FREM2: variants seen among roughly 807,000 people sequenced by gnomAD.
FREM2 encodes the protein FRAS1-related extracellular matrix protein 2.
In FREM2, 119 loss-of-function variants were observed where a neutral mutation model predicts 219.9. The observed-to-expected ratio is 0.54, with a 90% CI of 0.47 to 0.63. The LOEUF (loss-of-function observed/expected upper bound fraction) is 0.63, where lower values mean the gene tolerates loss of function less well. Ranked by LOEUF, FREM2 falls within the 30% of genes least tolerant of loss-of-function variation. The pLI is 0.00. For missense variants in FREM2, 4,030 were observed against 3,993.6 expected, an observed-to-expected ratio of 1.01 and a Z score of -0.25; for synonymous variants, 1,562 against 1,522.8, an observed-to-expected ratio of 1.03 and a Z score of -0.60.
chr13:38,796,891 G>GT (rs1268188377), intron 6 of FREM2, among the ~76,000 whole-genome samples: 1 of 151,526 alleles, frequency 6.6e-6, no homozygotes, highest in Non-Finnish European at 1.5e-5. Flanking sequence ...GTTTTGTTTT[G>GT]TTTTTTTGAG....
At chr13:38,734,655 A>G (rs1871906444) in intron 2 of FREM2, among the ~76,000 whole-genome samples, 1 of 151,728 alleles carries the variant, frequency 6.6e-6, no homozygotes, top group Non-Finnish European at 1.5e-5. Context: ...CAGCAATCCT[A>G]TGACATATTA....
chr13:38,730,599 T>G (rs1871724928), intron 2 of FREM2, among the ~76,000 whole-genome samples: 1 of 152,204 alleles, frequency 6.6e-6, no homozygotes, highest in Non-Finnish European at 1.5e-5. Context: ...AAGTAAAAAT[T>G]ATACCTGACC....
At chr13:38,866,616 G>A (rs201018696) in intron 16 of FREM2, among the ~76,000 whole-genome samples, 279 of 149,480 alleles carry the variant, frequency 1.9e-3, no homozygotes, top group African/African-American at 6.6e-3. Context: ...GTGGTGAGCC[G>A]AGATCGCGCC....
intron 16 of FREM2, among the ~76,000 whole-genome samples, chr13:38,866,455 G>A (rs969370964): frequency 2.0e-5 from 3 of 151,650 alleles, no homozygotes; most frequent in Non-Finnish European, 2.9e-5. Context: ...CCGAGATCAC[G>A]CCACTGCACT....
intron 2 of FREM2, among the ~76,000 whole-genome samples, chr13:38,748,461 C>T (rs1872572388): frequency 6.6e-6 from 1 of 152,180 alleles, no homozygotes; most frequent in South Asian, 2.1e-4. Context: ...TGATACTGCA[C>T]AGGCTCTCTG....
At chr13:38,776,931 T>G (rs1873893520) in intron 4 of FREM2, among the ~76,000 whole-genome samples, 1 of 152,136 alleles carries the variant, frequency 6.6e-6, no homozygotes, top group Non-Finnish European at 1.5e-5. Context: ...TTCTATAATG[T>G]AGCCCTTAAC....
chr13:38,873,623 A>G (rs1566174622), intron 17 of FREM2, among the ~76,000 whole-genome samples: 1 of 68,698 alleles, frequency 1.5e-5, no homozygotes, highest in South Asian at 3.8e-4. Context: ...ACAAGCATCA[A>G]TCTAATCCAT....
chr13:38,731,332 G>T (rs1007334648), intron 2 of FREM2, among the ~76,000 whole-genome samples: 2 of 152,024 alleles, frequency 1.3e-5, no homozygotes, highest in Admixed American at 1.3e-4. Flanking sequence ...AGATAAATTG[G>T]CTTTTAAAAC....
chr13:38,849,798 T>C (rs1227535811), intron 8 of FREM2, among the ~76,000 whole-genome samples: 1 of 150,246 alleles, frequency 6.7e-6, no homozygotes, highest in Non-Finnish European at 1.5e-5. Context: ...TTTTATCTAC[T>C]TTTTAACATT....
At chr13:38,713,792 A>G (rs751261221) in intron 2 of FREM2, among the ~76,000 whole-genome samples, 1 of 152,170 alleles carries the variant, frequency 6.6e-6, no homozygotes. Context: ...AGTAAGCTCT[A>G]TCTTTTCTGT....
intron 6 of FREM2, among the ~76,000 whole-genome samples, chr13:38,789,027 A>G (rs1874446243): frequency 6.6e-6 from 1 of 152,062 alleles, no homozygotes; most frequent in Non-Finnish European, 1.5e-5. Context: ...AATTTTATAA[A>G]TTGCTGGATT....
intron 2 of FREM2, among the ~76,000 whole-genome samples, chr13:38,713,627 A>G (rs1333634190): frequency 2.0e-5 from 3 of 152,112 alleles, no homozygotes; most frequent in Admixed American, 1.3e-4. Context: ...TTCTCTCTCA[A>G]ATGGATTTCA....
chr13:38,723,381 T>A (rs1166643270), intron 2 of FREM2, among the ~76,000 whole-genome samples: 1 of 152,226 alleles, frequency 6.6e-6, no homozygotes, highest in Non-Finnish European at 1.5e-5. Context: ...GATTAATTTT[T>A]AAAAATACAA....
At chr13:38,877,515 T>C (rs935337258) in intron 21 of FREM2, among the ~76,000 whole-genome samples, 3 of 152,174 alleles carry the variant, frequency 2.0e-5, no homozygotes, top group Non-Finnish European at 4.4e-5. Context: ...AATGTTTTTT[T>C]TCAATCTGTG....
intron 4 of FREM2, among the ~76,000 whole-genome samples, chr13:38,778,837 AT>A (rs1873988748): frequency 6.6e-6 from 1 of 152,164 alleles, no homozygotes; most frequent in Non-Finnish European, 1.5e-5. Context: ...TTTCTGTAAT[AT>A]TTCATACTAA....
rs540522636 is a variant in FREM2, at chr13:38,883,180, T to G, written c.*2393T>G. ...AGAGAATCTGTGGGAAATAGGCAGA[T>G]ATAGCTTTTTAAAATATAAAGTACT... On this transcript the variant is annotated 3_prime_UTR_variant, in exon 24 of 24. Transcript: ENST00000280481. 2.0e-5 allele frequency: 3 copies of G among 150,992 alleles called. No individual in the cohort carries two copies. Among genetic ancestry groups the G allele is most frequent in the Non-Finnish European group, 4.4e-5 (3 of 67,894 alleles). The allele number at this position is 150,992 out of a possible 1,614,324, so 9.4% of individuals were successfully genotyped here. A position where few individuals can be genotyped will look rare whatever the true frequency, so the allele number is the denominator to read the frequency against.
Position 38,872,911 on chromosome 13 carries a change from G to GC in FREM2, c.8159dup (p.Glu2721ArgfsTer3), listed in dbSNP as rs967339760. The GC allele has an allele frequency of 7.4e-6, 12 of 1,613,694 alleles. No individual in the cohort carries two copies. Among genetic ancestry groups the GC allele is most frequent in the South Asian group, 1.1e-5 (1 of 91,082 alleles). On this transcript the variant is annotated frameshift_variant, in exon 17 of 24. Transcript: ENST00000280481. LOFTEE classifies it high-confidence loss of function. ...ATCTTGTGGAATGATGGAATTGGCA[G>GC]CCCCCCAGAGGCTGAACTTCAAGGT... is the stretch of plus-strand genomic sequence containing the variant.
chr13:38,799,863 T>G (rs1340717899), intron 6 of FREM2, among the ~76,000 whole-genome samples: 1 of 152,160 alleles, frequency 6.6e-6, no homozygotes, highest in Non-Finnish European at 1.5e-5. Context: ...TATGTGTCTT[T>G]GAAGGTAAAG....
At chr13:38,856,097 G>A in intron 11 of FREM2, 29 bp from the exon 12 acceptor site, 1 of 1,261,632 alleles carries the variant, frequency 7.9e-7, no homozygotes, top group East Asian at 2.7e-5. Context: ...ATATGCAAAT[G>A]ATTTAAATCT....
Sources: allele counts gnomAD v4.1 joint callset (sites outside exome capture counted in the v4.1 genomes callset), GRCh38; gene constraint gnomAD v4.1.1; transcripts MANE v1.5; gene names NCBI Gene and HGNC (gene_info 2026-07-23, HGNC 2026-07-21).